ARMH3: variants seen among roughly 807,000 people sequenced by gnomAD.
ARMH3 encodes armadillo like helical domain containing 3.
A neutral mutation model predicts 99.1 loss-of-function variants in ARMH3; 60 were observed. The ratio of observed to expected loss-of-function variants is 0.61; its 90% CI spans 0.49 to 0.75. The LOEUF (loss-of-function observed/expected upper bound fraction) is 0.75, where lower values mean the gene tolerates loss of function less well. Among genes scored for constraint, ARMH3 ranks in the 30% least tolerant of loss-of-function variants. ARMH3 has a pLI of 0.00. For missense variants in ARMH3, 679 were observed against 843.1 expected (o/e 0.81, Z 2.41); for synonymous variants, 285 against 292.8 (o/e 0.97, Z 0.27).
At chr10:101,861,140 G>C (rs1405410094) in intron 24 of ARMH3, among the ~76,000 whole-genome samples, 1 of 152,126 alleles carries the variant, frequency 6.6e-6, no homozygotes, top group African/African-American at 2.4e-5. Flanking sequence ...GAGAAAAATG[G>C]TAGATATAAG....
intron 6 of ARMH3, 109 bp downstream of exon 6, chr10:102,025,047 C>G (rs2066970890): frequency 1.1e-6 from 1 of 900,204 alleles, no homozygotes; most frequent in African/African-American, 1.6e-5. Flanking sequence ...GATGTAATAC[C>G]CTCATTGAGA....
rs1323487999 is a variant in ARMH3 at position 101,889,397 on chromosome 10, A to G, written c.1860+15T>C. Reference sequence around the variant, plus strand: ...TAGCCACCAACTAGGTCATCTGGGGAAAGTAGTGGCTTACCTGCTCCTCTG... The same window carrying G: ...TAGCCACCAACTAGGTCATCTGGGGGAAGTAGTGGCTTACCTGCTCCTCTG... On this transcript the variant is annotated intron_variant, in intron 24 of 25. Transcript: ENST00000370033. 6.2e-7 allele frequency: 1 copy of G among 1,604,072 alleles called. No homozygotes were observed. The highest frequency in any genetic ancestry group is 8.5e-7 in the Non-Finnish European group (1 of 1,170,838).
At chr10:101,987,591 T>A (rs576377959) in intron 19 of ARMH3, among the ~76,000 whole-genome samples, 5 of 152,202 alleles carry the variant, frequency 3.3e-5, no homozygotes, top group Non-Finnish European at 5.9e-5. Flanking sequence ...CCTTTCCACA[T>A]TGCAACAGGG....
chr10:101,951,181 G>A (rs1466369117), intron 22 of ARMH3, among the ~76,000 whole-genome samples: 1 of 152,186 alleles, frequency 6.6e-6, no homozygotes, highest in East Asian at 1.9e-4. Flanking sequence ...TATTTTGTCA[G>A]GGATTGTAAG....
chr10:102,028,392 T>C lies in ARMH3; in HGVS notation c.414+1246A>G, dbSNP rs2067049142. ...AGCAAGACCTCATCTCATGAATAAA[T>C]AAATAAATAAATACGAGCATACATC... On this transcript the variant is annotated intron_variant, in intron 5 of 25. Coordinates refer to ENST00000370033, the MANE Select transcript of ARMH3 (RefSeq NM_024541.3). Among the ~76,000 whole-genome samples the C allele has an allele frequency of 3.3e-5, 5 of 152,018 alleles. No individual in the cohort carries two copies. In the South Asian group the frequency reaches 1.0e-3, roughly 32 times the overall value.
chr10:102,006,616 G>C lies in ARMH3; in HGVS notation c.972C>G (p.Gly324=). Residue 324 remains glycine, a synonymous_variant, in exon 14 of 26, where the codon GGC becomes GGG. Transcript: ENST00000370033. Reference sequence around the variant, plus strand: ...CAGGACTGACAGGGGTCGTCACCAAGCCCATTTCTGGATGGCTCTGAAAAA... The same window carrying C: ...CAGGACTGACAGGGGTCGTCACCAACCCCATTTCTGGATGGCTCTGAAAAA... The part of the protein sequence containing the change: ...TVLAQSHPEM[G]LVTTPVSPAP... The C allele has an allele frequency of 6.2e-7, 1 of 1,613,938 alleles. No homozygotes were observed. The highest frequency in any genetic ancestry group is 8.5e-7 in the Non-Finnish European group (1 of 1,179,868).
chr10:101,894,347 G>A (rs1183879548), intron 23 of ARMH3, among the ~76,000 whole-genome samples: 1 of 152,150 alleles, frequency 6.6e-6, no homozygotes, highest in Non-Finnish European at 1.5e-5. Flanking sequence ...TTAGTACTTT[G>A]TACTAGTGAA....
At chr10:101,989,316 C>T (rs780598608) in intron 19 of ARMH3, among the ~76,000 whole-genome samples, 2 of 152,116 alleles carry the variant, frequency 1.3e-5, no homozygotes, top group Non-Finnish European at 1.5e-5. Context: ...GGGAGGACTG[C>T]TTGAGCCTAG....
intron 23 of ARMH3, among the ~76,000 whole-genome samples, chr10:101,932,646 A>C (rs1843769062): frequency 6.6e-6 from 1 of 152,254 alleles, no homozygotes; most frequent in South Asian, 2.1e-4. Context: ...TATTAGGCAA[A>C]ATAATCCAGT....
intron 12 of ARMH3, 55 bp from the exon 13 acceptor site, chr10:102,009,504 A>G (rs2066582107): frequency 5.0e-6 from 7 of 1,402,326 alleles, no homozygotes; most frequent in Non-Finnish European, 7.1e-6. Flanking sequence ...GAGTTAAAAC[A>G]GTATAACCAT....
intron 23 of ARMH3, among the ~76,000 whole-genome samples, chr10:101,916,536 C>T (rs1843093463): frequency 6.6e-6 from 1 of 152,198 alleles, no homozygotes; most frequent in Admixed American, 6.5e-5. Context: ...ATCTCTTACC[C>T]TTCCCTGTGA....
chr10:101,994,382 G>C (rs1473166763), intron 16 of ARMH3, among the ~76,000 whole-genome samples: 1 of 152,144 alleles, frequency 6.6e-6, no homozygotes, highest in African/African-American at 2.4e-5. Flanking sequence ...TTTCCACAGA[G>C]AACATGAAGA....
intron 24 of ARMH3, among the ~76,000 whole-genome samples, chr10:101,880,879 G>A (rs182726992): frequency 3.9e-4 from 60 of 152,142 alleles, no homozygotes; most frequent in African/African-American, 8.4e-4. Context: ...TGAGTGCTTC[G>A]ATCCTTTCTG....
intron 24 of ARMH3, among the ~76,000 whole-genome samples, chr10:101,886,139 A>G (rs934616692): frequency 6.6e-6 from 1 of 152,108 alleles, no homozygotes; most frequent in East Asian, 1.9e-4. Flanking sequence ...GTAAAAATGA[A>G]CAAGCTTCAC....
At chr10:101,982,318 G>A (rs563676050) in intron 19 of ARMH3, among the ~76,000 whole-genome samples, 3 of 152,108 alleles carry the variant, frequency 2.0e-5, no homozygotes, top group South Asian at 4.1e-4. Context: ...CCCGGGAGGC[G>A]GAGGTTACAG....
chr10:102,020,464 C>T (rs2066857325), intron 8 of ARMH3, among the ~76,000 whole-genome samples: 1 of 152,064 alleles, frequency 6.6e-6, no homozygotes, highest in South Asian at 2.1e-4. Context: ...ATCACGAGGT[C>T]AGGAGATCGA....
rs745342108 is a variant in ARMH3 at position 101,847,533 on chromosome 10, A to G, written c.2065T>C (p.Ser689Pro). Residue 689 changes from serine (S) to proline (P), a missense_variant, in exon 26 of 26, where the codon TCC (serine) becomes CCC (proline). Physicochemically the swap from Ser to Pro is moderately conservative, Grantham distance 74. This residue lies in a region of ARMH3 where 389 missense variants were observed against 456.5 expected (regional missense o/e 0.85). Transcript: ENST00000370033. ...EVLLKEFSTI[S>P] ...CTGCTCAGGTAGGCGTGGCCTCAGG[A>G]GATAGTGGAGAACTCCTTGAGCAGG... The G allele has an allele frequency of 1.9e-5, 31 of 1,613,800 alleles. No individual in the cohort carries two copies. The African/African-American group carries it at 2.8e-4, about 15-fold the overall frequency.
chr10:101,873,247 C>CAA (rs759511606), intron 24 of ARMH3, among the ~76,000 whole-genome samples: 2 of 121,868 alleles, frequency 1.6e-5, no homozygotes, highest in East Asian at 2.4e-4. Flanking sequence ...ACTAAAAATA[C>CAA]AAAAAAAAAA....
At chr10:102,028,436 T>C (rs1428786661) in intron 5 of ARMH3, among the ~76,000 whole-genome samples, 3 of 152,104 alleles carry the variant, frequency 2.0e-5, no homozygotes, top group Non-Finnish European at 4.4e-5. Flanking sequence ...AACTTATACA[T>C]GAACATTCAT....
Sources: gnomAD v4.1 joint callset for allele counts (sites outside exome capture counted in the v4.1 genomes callset) on GRCh38, gnomAD v4.1.1 for gene constraint, gnomAD v4.1.1 regional missense constraint, MANE v1.5 for transcripts, NCBI Gene and HGNC (gene_info 2026-07-23, HGNC 2026-07-21) for gene names.